Variants in BRAF observed in about 807,000 individuals in gnomAD.
The protein encoded by BRAF is B-Raf proto-oncogene, serine/threonine kinase.
In BRAF, 16 loss-of-function variants were observed where a neutral mutation model predicts 104.6. The observed-to-expected ratio is 0.15, with a 90% CI of 0.10 to 0.23. The LOEUF is 0.23. BRAF is among the 10% of genes least tolerant of loss of function. The pLI is 1.00. For missense variants in BRAF, 541 were observed against 937.3 expected (o/e 0.58, Z 5.52); for synonymous variants, 310 against 341.6 (o/e 0.91, Z 1.02).
At chr7:140,763,792 G>A (rs541343450) in intron 14 of BRAF, among the ~76,000 whole-genome samples, 1 of 152,332 alleles carries the variant, frequency 6.6e-6, no homozygotes, top group African/African-American at 2.4e-5. Flanking sequence ...ATCTCAAATT[G>A]TGGCAGTAAT....
chr7:140,727,044 T>A (rs1159328666), intron 19 of BRAF, among the ~76,000 whole-genome samples: 1 of 152,204 alleles, frequency 6.6e-6, no homozygotes, highest in Admixed American at 6.5e-5. Context: ...AATTTCACCT[T>A]CAATCTAACA....
intron 19 of BRAF, chr7:140,726,653 A>G: frequency 1.3e-6 from 1 of 780,548 alleles, no homozygotes; most frequent in Admixed American, 2.6e-5. Context: ...GCTAATTTAA[A>G]AGCAAAAACG....
chr7:140,874,037 G>A (rs1026797232), intron 1 of BRAF, among the ~76,000 whole-genome samples: 2 of 152,038 alleles, frequency 1.3e-5, no homozygotes, highest in East Asian at 1.9e-4. Context: ...CACACATTAC[G>A]GGGGTGGTGG....
intron 12 of BRAF, among the ~76,000 whole-genome samples, chr7:140,778,500 T>C (rs1440502556): frequency 1.3e-5 from 2 of 152,258 alleles, no homozygotes; most frequent in East Asian, 3.9e-4. Context: ...AAAACTTTTT[T>C]ATCAGAGTAG....
chr7:140,721,959 C>G lies in BRAF; in HGVS notation c.*4535G>C. On this transcript the variant is annotated 3_prime_UTR_variant, in exon 20 of 20. Transcript: ENST00000644969. ...ATCAGTGTCTAGGTTGGCAGCAGTA[C>G]TCTGGAAACTGATAAAACCAAATTC... 1.6e-6 allele frequency: 2 copies of G among 1,227,794 alleles called. No individual in the cohort carries two copies. Among genetic ancestry groups the G allele is most frequent in the Non-Finnish European group, 2.0e-6 (2 of 985,660 alleles). 76.1% of individuals were successfully genotyped at this position (1,227,794 alleles called of 1,614,324 possible).
chr7:140,921,908 A>G (rs561381085), intron 1 of BRAF, among the ~76,000 whole-genome samples: 1 of 152,290 alleles, frequency 6.6e-6, no homozygotes, highest in Admixed American at 6.5e-5. Context: ...AATTTGCAGT[A>G]AAAGATCCCT....
chr7:140,850,690 T>G (rs1809067019), intron 1 of BRAF, among the ~76,000 whole-genome samples: 2 of 152,208 alleles, frequency 1.3e-5, no homozygotes, highest in Non-Finnish European at 1.5e-5. Context: ...AATATGCATA[T>G]ATTTTACTCC....
At chr7:140,798,585 C>T (rs529945566) in intron 7 of BRAF, among the ~76,000 whole-genome samples, 5 of 128,132 alleles carry the variant, frequency 3.9e-5, no homozygotes, top group African/African-American at 1.2e-4. Context: ...TTTTTTAAAG[C>T]ATGTGCTTCC....
chr7:140,895,856 A>G (rs1291621673), intron 1 of BRAF, among the ~76,000 whole-genome samples: 1 of 152,058 alleles, frequency 6.6e-6, no homozygotes, highest in Non-Finnish European at 1.5e-5. Context: ...TATCTTGGCT[A>G]CTGTGAATAG....
intron 1 of BRAF, among the ~76,000 whole-genome samples, chr7:140,852,179 G>A (rs1378050393): frequency 1.3e-5 from 2 of 151,828 alleles, no homozygotes; most frequent in African/African-American, 2.4e-5. Context: ...AACCAGCCTG[G>A]GCAACATAGC....
intron 14 of BRAF, among the ~76,000 whole-genome samples, chr7:140,766,503 C>T (rs1197533813): frequency 1.6e-5 from 2 of 123,486 alleles, no homozygotes; most frequent in African/African-American, 6.7e-5. Flanking sequence ...AAAGAATACC[C>T]ACACACCTTC....
Position 140,724,013 on chromosome 7 carries a change from T to G in BRAF, c.*2481A>C. On this transcript the variant is annotated 3_prime_UTR_variant, in exon 20 of 20. Coordinates refer to ENST00000644969, the MANE Select transcript of BRAF (RefSeq NM_001374258.1). ...AAGAGAGGTTTAAATATTTTATTTTTTAAGGTATCTATAAAAATCTCAATA... is the reference window on the plus strand; with the variant it reads ...AAGAGAGGTTTAAATATTTTATTTTGTAAGGTATCTATAAAAATCTCAATA... The G allele has an allele frequency of 9.6e-7, 1 of 1,043,896 alleles. No homozygotes were observed. Among genetic ancestry groups the G allele is most frequent in the African/African-American group, 1.7e-5 (1 of 59,952 alleles). The allele number at this position is 1,043,896 out of a possible 1,614,324, so 64.7% of individuals were successfully genotyped here. A position where few individuals can be genotyped will look rare whatever the true frequency, so the allele number is the denominator to read the frequency against.
chr7:140,737,680 T>C (rs1048342136), intron 18 of BRAF, among the ~76,000 whole-genome samples: 1 of 152,228 alleles, frequency 6.6e-6, no homozygotes, highest in African/African-American at 2.4e-5. Flanking sequence ...ATTTTGTCTA[T>C]TAAGAAAGCC....
In BRAF at chr7:140,924,405, G is replaced by A. The variant is rs71645937; in HGVS notation, c.138+161C>T. Reference sequence around the variant, plus strand: ...TTTACGTAGGAAGGCGCTGCATGACGGAGAGGGACACGGGGGCGATGCCCA... The same window carrying A: ...TTTACGTAGGAAGGCGCTGCATGACAGAGAGGGACACGGGGGCGATGCCCA... On this transcript the variant is annotated intron_variant, in intron 1 of 19. Transcript: ENST00000644969. The surrounding 1 kb of genome is among the most constrained non-coding windows in gnomAD (Gnocchi z 4.2). 3.9e-5 allele frequency among the ~76,000 whole-genome samples: 6 copies of A among 152,218 alleles called. No individual in the cohort carries two copies. The highest frequency in any genetic ancestry group is 8.8e-5 in the Non-Finnish European group (6 of 68,034).
chr7:140,828,044 C>T (rs891644603), intron 3 of BRAF, among the ~76,000 whole-genome samples: 4 of 152,004 alleles, frequency 2.6e-5, no homozygotes, highest in Admixed American at 1.3e-4. Context: ...TACAGGCATG[C>T]GGCACCACAC....
chr7:140,819,004 A>T (rs959061102), intron 3 of BRAF, among the ~76,000 whole-genome samples: 1 of 152,138 alleles, frequency 6.6e-6, no homozygotes, highest in African/African-American at 2.4e-5. Context: ...GTGTCTCTAG[A>T]GCATTCAGTT....
intron 7 of BRAF, among the ~76,000 whole-genome samples, chr7:140,797,966 G>A (rs908832353): frequency 6.6e-6 from 1 of 152,166 alleles, no homozygotes; most frequent in Non-Finnish European, 1.5e-5. Context: ...AACCTGACAA[G>A]AGAACACAAC....
intron 2 of BRAF, among the ~76,000 whole-genome samples, chr7:140,841,784 T>C (rs1337922562): frequency 1.3e-5 from 2 of 152,124 alleles, no homozygotes; most frequent in African/African-American, 4.8e-5. Flanking sequence ...TAAAAATGTT[T>C]TGGAATAAGA....
At position 140,834,755 on chromosome 7, in the gene BRAF, C is replaced by T. The variant is rs766748977; in HGVS notation, c.358G>A (p.Val120Ile). 5.0e-6 allele frequency: 8 copies of T among 1,614,026 alleles called. No individual in the cohort carries two copies. The Admixed American group carries it at 8.3e-5, about 17-fold the overall frequency. The part of the protein sequence containing the change: ...SVSSSASMDT[V>I]TSSSSSSLSV... ...AGGCTAGAAGAGGAAGAAGATGTAA[C>T]GGTATCCATTGATGCAGAGCTAGAA... The change falls in exon 3 of 20, where the codon GTT (valine) becomes ATT (isoleucine). Residue 120 changes from valine (V) to isoleucine (I), a missense_variant. By Grantham distance (29) the Val-to-Ile change is conservative. This residue lies in a region of BRAF where 86 missense variants were observed against 133.9 expected (regional missense o/e 0.64). Coordinates refer to ENST00000644969, the MANE Select transcript of BRAF (RefSeq NM_001374258.1).
Sources: allele counts gnomAD v4.1 joint callset (sites outside exome capture counted in the v4.1 genomes callset), GRCh38; gene constraint gnomAD v4.1.1; regional missense constraint gnomAD v4.1.1; non-coding constraint Gnocchi (gnomAD v3.1); transcripts MANE v1.5; gene names NCBI Gene and HGNC (gene_info 2026-07-23, HGNC 2026-07-21).